The following CSMD1 variants were observed in gnomAD, a reference collection of about 807,000 sequenced individuals.
CSMD1 encodes CUB and Sushi multiple domains 1.
CSMD1 carries 213 observed loss-of-function variants against 417.5 expected under a neutral mutation model. That is an observed-to-expected ratio of 0.51 (90% CI 0.46 to 0.57). The LOEUF (loss-of-function observed/expected upper bound fraction) is 0.57, where lower values mean the gene tolerates loss of function less well. Ranked by LOEUF, CSMD1 falls within the 20% of genes least tolerant of loss-of-function variation. The pLI, the probability that CSMD1 is intolerant of heterozygous loss-of-function variation, is 0.00. For synonymous variants in CSMD1, 2,862 were observed against 1,736.8 expected, an observed-to-expected ratio of 1.65 and a Z score of -16.11; for missense variants, 6,923 against 4,529.7, an observed-to-expected ratio of 1.53 and a Z score of -15.17.
At chr8:3,684,143 C>G (rs944978325) in intron 7 of CSMD1, among the ~76,000 whole-genome samples, 5 of 119,286 alleles carry the variant, frequency 4.2e-5, no homozygotes, top group African/African-American at 8.5e-5. Flanking sequence ...TATATAATGC[C>G]TATATGTTAT....
chr8:4,150,831 C>G (rs1796532286), intron 3 of CSMD1, among the ~76,000 whole-genome samples: 1 of 152,000 alleles, frequency 6.6e-6, no homozygotes, highest in African/African-American at 2.4e-5. Context: ...CAGGGAGGGA[C>G]AGAATAACCT....
At chr8:4,955,475 A>G (rs1038323482) in intron 1 of CSMD1, among the ~76,000 whole-genome samples, 9 of 150,030 alleles carry the variant, frequency 6.0e-5, no homozygotes, top group Admixed American at 1.3e-4. Context: ...TTTTATTGTG[A>G]GACAGAGTCT....
chr8:4,052,215 G>T (rs1020266268), intron 3 of CSMD1, among the ~76,000 whole-genome samples: 1 of 152,084 alleles, frequency 6.6e-6, no homozygotes, highest in South Asian at 2.1e-4. Context: ...ATGAGCCACC[G>T]TGCCCACCCA....
intron 3 of CSMD1, among the ~76,000 whole-genome samples, chr8:4,333,471 G>C (rs1184717662): frequency 2.0e-5 from 3 of 152,000 alleles, no homozygotes; most frequent in Non-Finnish European, 4.4e-5. Flanking sequence ...TCCTTATCTT[G>C]GAAATTATAT....
chr8:4,368,994 G>A (rs1410840629), intron 3 of CSMD1, among the ~76,000 whole-genome samples: 2 of 151,854 alleles, frequency 1.3e-5, no homozygotes, highest in South Asian at 2.1e-4. Context: ...CTATGTTTGG[G>A]GATGGTTTGC....
At chr8:4,152,232 T>A (rs999255399) in intron 3 of CSMD1, among the ~76,000 whole-genome samples, 1 of 152,184 alleles carries the variant, frequency 6.6e-6, no homozygotes, top group Admixed American at 6.5e-5. Flanking sequence ...TCAACATTAT[T>A]CCCACTTTCT....
chr8:3,644,109 C>T (rs964872280), intron 7 of CSMD1, among the ~76,000 whole-genome samples: 1 of 152,200 alleles, frequency 6.6e-6, no homozygotes, highest in East Asian at 1.9e-4. Flanking sequence ...CCAGAAACAT[C>T]ACCATCACCT....
intron 3 of CSMD1, among the ~76,000 whole-genome samples, chr8:4,363,785 TATGTATCTC>T (rs1388155336): frequency 6.6e-6 from 1 of 152,230 alleles, no homozygotes; most frequent in Non-Finnish European, 1.5e-5. Flanking sequence ...CCACTATGTA[TATGTATCTC>T]ATTTTCTTTA....
chr8:3,167,977 G>T (rs865955552), intron 37 of CSMD1, among the ~76,000 whole-genome samples: 19 of 151,662 alleles, frequency 1.3e-4, no homozygotes, highest in Middle Eastern at 3.4e-3. Context: ...TAGATATTAT[G>T]AACTGAAATG....
chr8:4,286,044 T>G (rs940048671), intron 3 of CSMD1, among the ~76,000 whole-genome samples: 4 of 152,286 alleles, frequency 2.6e-5, no homozygotes, highest in African/African-American at 4.8e-5. Flanking sequence ...TTAGTGGAAT[T>G]TGTAGTTACA....
In CSMD1 at chr8:3,091,678, A is replaced by T. The variant is rs1257569391; in HGVS notation, c.7139-16T>A. 1.2e-6 allele frequency: 2 copies of T among 1,602,658 alleles called. No individual in the cohort carries two copies. The highest frequency in any genetic ancestry group is 8.5e-7 in the Non-Finnish European group (1 of 1,177,000). ...CCAGAAGAACCTAAGTGAAACAGAA[A>T]AACAAAAACATTCAGAGATGAGTGA... On this transcript the variant is annotated splice_polypyrimidine_tract_variant and intron_variant, in intron 47 of 69. Coordinates refer to ENST00000635120, the MANE Select transcript of CSMD1 (RefSeq NM_033225.6).
intron 7 of CSMD1, among the ~76,000 whole-genome samples, chr8:3,690,899 A>G (rs1414812271): frequency 3.9e-5 from 6 of 152,262 alleles, no homozygotes; most frequent in Non-Finnish European, 8.8e-5. Flanking sequence ...AATAAATTAA[A>G]TAACAACAAA....
intron 3 of CSMD1, among the ~76,000 whole-genome samples, chr8:4,115,305 A>G (rs558158465): frequency 6.6e-6 from 1 of 152,230 alleles, no homozygotes; most frequent in Non-Finnish European, 1.5e-5. Context: ...TGGCAACAAA[A>G]TATTTTAAAA....
At chr8:3,619,876 T>A (rs1440042404) in intron 7 of CSMD1, among the ~76,000 whole-genome samples, 2 of 152,202 alleles carry the variant, frequency 1.3e-5, no homozygotes, top group African/African-American at 4.8e-5. Context: ...CTGAGGTGGG[T>A]GGATCACTTG....
At chr8:3,114,727 C>G (rs1307853863) in intron 42 of CSMD1, among the ~76,000 whole-genome samples, 1 of 152,152 alleles carries the variant, frequency 6.6e-6, no homozygotes, top group South Asian at 2.1e-4. Context: ...TTTTTATTCT[C>G]TATTATTGGG....
intron 4 of CSMD1, among the ~76,000 whole-genome samples, chr8:4,017,529 C>G (rs1796581186): frequency 6.6e-6 from 1 of 152,138 alleles, no homozygotes; most frequent in Non-Finnish European, 1.5e-5. Flanking sequence ...TGGTCTCGAA[C>G]TCCCGATCTC....
chr8:4,703,480 A>C (rs1202508327), intron 1 of CSMD1, among the ~76,000 whole-genome samples: 1 of 152,068 alleles, frequency 6.6e-6, no homozygotes, highest in African/African-American at 2.4e-5. Flanking sequence ...GATAATTTGT[A>C]ATTATTTAAA....
intron 3 of CSMD1, among the ~76,000 whole-genome samples, chr8:4,290,057 G>A (rs1385475297): frequency 6.6e-6 from 1 of 152,176 alleles, no homozygotes; most frequent in Non-Finnish European, 1.5e-5. Flanking sequence ...ACCAACAACT[G>A]CAAATTCAGC....
chr8:4,336,085 C>G (rs1011172498), intron 3 of CSMD1, among the ~76,000 whole-genome samples: 1 of 152,126 alleles, frequency 6.6e-6, no homozygotes, highest in South Asian at 2.1e-4. Context: ...AGACAATCCA[C>G]TAATTGATGA....
Sources: gnomAD v4.1 joint callset for allele counts (sites outside exome capture counted in the v4.1 genomes callset) on GRCh38, gnomAD v4.1.1 for gene constraint, MANE v1.5 for transcripts, NCBI Gene and HGNC (gene_info 2026-07-23, HGNC 2026-07-21) for gene names.